Variants in IAPP observed in about 807,000 individuals in gnomAD.
IAPP encodes Islet amyloid polypeptide (diabetes-associated peptide; amylin).
In IAPP, 4 loss-of-function variants were observed where a neutral mutation model predicts 2.9. The observed-to-expected ratio is 1.39, with a 90% CI of 0.69 to 3.19. The LOEUF (loss-of-function observed/expected upper bound fraction) is 3.19. IAPP is among the 30% of genes most tolerant of loss of function. The pLI, the probability that IAPP is intolerant of heterozygous loss-of-function variation, is 0.01. For synonymous variants in IAPP, 40 were observed against 42.1 expected (o/e 0.95, Z 0.19); for missense variants, 114 against 105.3 (o/e 1.08, Z -0.36).
At chr12:21,359,654 G>A (rs1361543411) in intron 1 of IAPP, among the ~76,000 whole-genome samples, 1 of 152,066 alleles carries the variant, frequency 6.6e-6, no homozygotes, top group African/African-American at 2.4e-5. Context: ...GGCTGAGGCA[G>A]GAGAATGGCA....
chr12:21,357,991 G>A (rs1003167549), intron 1 of IAPP, among the ~76,000 whole-genome samples: 1 of 152,120 alleles, frequency 6.6e-6, no homozygotes, highest in African/African-American at 2.4e-5. Flanking sequence ...CTCAGACTTT[G>A]GTGGGTGGGT....
intron 1 of IAPP, among the ~76,000 whole-genome samples, chr12:21,360,913 G>A (rs948183667): frequency 2.0e-5 from 3 of 152,104 alleles, no homozygotes; most frequent in African/African-American, 4.8e-5. Flanking sequence ...GGAGCCCACC[G>A]CAGCTCAAGG....
chr12:21,376,911 C>T (rs1940238377), intron 2 of IAPP, among the ~76,000 whole-genome samples: 1 of 152,084 alleles, frequency 6.6e-6, no homozygotes, highest in Non-Finnish European at 1.5e-5. Flanking sequence ...AAAACTAAAA[C>T]ATTTCTCTAA....
At chr12:21,364,180 A>T (rs1939179537) in intron 1 of IAPP, among the ~76,000 whole-genome samples, 1 of 152,214 alleles carries the variant, frequency 6.6e-6, no homozygotes, top group African/African-American at 2.4e-5. Flanking sequence ...CCAGCAACAC[A>T]TCAAAAAGCT....
At chr12:21,369,857 T>C (rs903106230), upstream of IAPP, among the ~76,000 whole-genome samples, 7 of 152,188 alleles carry the variant, frequency 4.6e-5, no homozygotes, top group African/African-American at 1.4e-4. Flanking sequence ...ATTATGCCCT[T>C]GTAAAGATAA....
chr12:21,371,461 G>A (rs1043530049), upstream of IAPP, among the ~76,000 whole-genome samples: 1 of 151,858 alleles, frequency 6.6e-6, no homozygotes, highest in Non-Finnish European at 1.5e-5. Context: ...TAGAATCATT[G>A]AATAATTAGA....
chr12:21,366,386 C>T (rs1939384053), intron 1 of IAPP, among the ~76,000 whole-genome samples: 1 of 142,050 alleles, frequency 7.0e-6, no homozygotes, highest in Non-Finnish European at 1.5e-5. Flanking sequence ...ACATCACACA[C>T]ACGGGCCTGC....
intron 2 of IAPP, among the ~76,000 whole-genome samples, chr12:21,374,819 G>GTC (rs71043266): frequency 0.023 from 3,349 of 148,326 alleles, 111 homozygotes; most frequent in African/African-American, 0.074. Flanking sequence ...TTGAGACAGG[G>GTC]TCTCTCTCTC....
rs571704156 is a variant in IAPP at position 21,358,561 on chromosome 12, GT to G, written c.-16+3549del. ...TTATTTTATTGTATGCAAATATTGTGTATAGTTCTATCATCATATATAGATA... is the reference window on the plus strand; with the variant it reads ...TTATTTTATTGTATGCAAATATTGTGATAGTTCTATCATCATATATAGATA... On this transcript the variant is annotated intron_variant, in intron 1 of 2. Coordinates refer to the IAPP transcript ENST00000539393. Among the ~76,000 whole-genome samples the G allele has an allele frequency of 1.1e-4, 17 of 152,048 alleles. No homozygotes were observed. The South Asian group carries it at 3.5e-3, about 32-fold the overall frequency.
At chr12:21,374,048 C>T (rs1221708483) in intron 2 of IAPP, among the ~76,000 whole-genome samples, 1 of 152,086 alleles carries the variant, frequency 6.6e-6, no homozygotes, top group Non-Finnish European at 1.5e-5. Context: ...AAAAGTTATT[C>T]TTCTTATTAC....
At chr12:21,377,534 T>C (rs1015752132) in intron 2 of IAPP, among the ~76,000 whole-genome samples, 3 of 152,216 alleles carry the variant, frequency 2.0e-5, no homozygotes, top group African/African-American at 7.2e-5. Context: ...TGACTGAAGC[T>C]GTACACCCAA....
intron 1 of IAPP, among the ~76,000 whole-genome samples, chr12:21,365,871 C>A (rs188392691): frequency 1.8e-3 from 273 of 152,190 alleles, no homozygotes; most frequent in African/African-American, 3.2e-3. Context: ...GCCAGTTAGA[C>A]TGGCAATCAT....
chr12:21,378,161 G>C, intron 2 of IAPP, 76 bp from the exon 3 acceptor site: 1 of 1,314,436 alleles, frequency 7.6e-7, no homozygotes, highest in South Asian at 1.2e-5. Context: ...ATCAATACAA[G>C]ATATTTGATG....
chr12:21,371,622 C>A (rs1376524857), upstream of IAPP, among the ~76,000 whole-genome samples: 1 of 152,118 alleles, frequency 6.6e-6, no homozygotes, highest in East Asian at 1.9e-4. Context: ...CAGGCATGCA[C>A]ATTTTCACTG....
intron 1 of IAPP, among the ~76,000 whole-genome samples, chr12:21,366,682 C>G (rs1939414863): frequency 6.6e-6 from 1 of 151,910 alleles, no homozygotes; most frequent in Admixed American, 6.6e-5. Flanking sequence ...ATAGCATCCT[C>G]AGAGATAACG....
At chr12:21,366,669 T>C (rs1247972758) in intron 1 of IAPP, among the ~76,000 whole-genome samples, 1 of 151,980 alleles carries the variant, frequency 6.6e-6, no homozygotes, top group Admixed American at 6.6e-5. Context: ...GAGAAAGCTG[T>C]AAATAGCATC....
intron 1 of IAPP, among the ~76,000 whole-genome samples, chr12:21,366,808 G>T (rs1939423925): frequency 2.6e-5 from 4 of 151,690 alleles, no homozygotes; most frequent in Admixed American, 2.6e-4. Context: ...GGAAAAGTTG[G>T]TAGATTAGGA....
chr12:21,371,459 T>C (rs1394126525), upstream of IAPP, among the ~76,000 whole-genome samples: 3 of 152,184 alleles, frequency 2.0e-5, no homozygotes, highest in Non-Finnish European at 2.9e-5. Flanking sequence ...TGTAGAATCA[T>C]TGAATAATTA....
chr12:21,373,786 A>G lies in IAPP; in HGVS notation c.80+355A>G. On this transcript the variant is annotated intron_variant, in intron 2 of 2. Coordinates refer to ENST00000240652, the MANE Select transcript of IAPP (RefSeq NM_000415.3). ...TACTGAAACAAACCAGAGAAACTTAACTAAAGCATATATTTTTATACCAAG... is the reference window on the plus strand; with the variant it reads ...TACTGAAACAAACCAGAGAAACTTAGCTAAAGCATATATTTTTATACCAAG... 4 of 666,614 alleles carry G rather than the reference A, an allele frequency of 6.0e-6. 1 individual carries two copies. The South Asian group carries it at 6.6e-5, about 11-fold the overall frequency. The allele number at this position is 666,614 out of a possible 1,614,324, so 41.3% of individuals were successfully genotyped here.
Sources: allele counts gnomAD v4.1 joint callset (sites outside exome capture counted in the v4.1 genomes callset), GRCh38; gene constraint gnomAD v4.1.1; transcripts MANE v1.5; gene names NCBI Gene and HGNC (gene_info 2026-07-23, HGNC 2026-07-21).